The following CENPC variants were observed in gnomAD, a reference collection of about 807,000 sequenced individuals.
CENPC encodes centromere protein C, also known as CENP-C 1.
CENPC carries 63 observed loss-of-function variants against 112.1 expected under a neutral mutation model. That is an observed-to-expected ratio of 0.56 (90% CI 0.46 to 0.69). The LOEUF (loss-of-function observed/expected upper bound fraction) is 0.69. Among genes scored for constraint, CENPC ranks in the 30% least tolerant of loss-of-function variants. The pLI, the probability that CENPC is intolerant of heterozygous loss-of-function variation, is 0.00. For synonymous variants in CENPC, 333 were observed against 367.6 expected (o/e 0.91, Z 1.08); for missense variants, 1,000 against 1,103.8 (o/e 0.91, Z 1.33).
In CENPC at chr4:67,493,912, C is replaced by T. The variant is rs1296094207; in HGVS notation, c.2262G>A (p.Glu754=). ...RLKPLEYWRG[E]RIDYQGRPSG... is the part of the protein sequence containing the mutation. ...ATGGCCTTCCTTGATAATCTATTCG[C>T]TCTCCTCGCCAGTACTCCAAAGGTT... The change falls in exon 14 of 19, where the codon GAG becomes GAA. Residue 754 remains glutamate, a synonymous_variant. Coordinates refer to ENST00000273853, the MANE Select transcript of CENPC (RefSeq NM_001812.4). 35 of 1,612,502 alleles carry T rather than the reference C, an allele frequency of 2.2e-5. No homozygotes were observed. The highest frequency in any genetic ancestry group is 4.0e-5 in the African/African-American group (3 of 74,896).
chr4:67,505,863 A>G (rs1401574914), intron 11 of CENPC, among the ~76,000 whole-genome samples: 1 of 152,204 alleles, frequency 6.6e-6, no homozygotes, highest in East Asian at 1.9e-4. Context: ...TAACAGACTT[A>G]GTAAATTCAA....
intron 2 of CENPC, among the ~76,000 whole-genome samples, chr4:67,541,821 T>C (rs545334328): frequency 2.0e-4 from 30 of 152,176 alleles, no homozygotes; most frequent in Non-Finnish European, 4.3e-4. Flanking sequence ...TTTGTAATCA[T>C]AACCACCTTT....
intron 12 of CENPC, among the ~76,000 whole-genome samples, chr4:67,497,116 A>G (rs1725455290): frequency 6.6e-6 from 1 of 152,138 alleles, no homozygotes. Flanking sequence ...GCAGTGGCTC[A>G]CAACTGTAAT....
At chr4:67,510,139 CA>C (rs1391334044) in intron 9 of CENPC, among the ~76,000 whole-genome samples, 1 of 152,152 alleles carries the variant, frequency 6.6e-6, no homozygotes, top group Non-Finnish European at 1.5e-5. Context: ...CCTCAGACCC[CA>C]GTGAATCAAA....
Position 67,490,131 on chromosome 4 carries a change from A to C in CENPC, c.2516-10T>G, listed in dbSNP as rs113203814. 1.7e-5 allele frequency: 27 copies of C among 1,575,512 alleles called. No homozygotes were observed. The highest frequency in any genetic ancestry group is 1.1e-4 in the African/African-American group (8 of 73,374). On this transcript the variant is annotated splice_polypyrimidine_tract_variant and intron_variant, in intron 16 of 18. Coordinates refer to ENST00000273853, the MANE Select transcript of CENPC (RefSeq NM_001812.4). ...TGTGGCCTTACAAGATCTAGGAGTA[A>C]AACAGTAATACAAATATAAAACAAC...
At chr4:67,527,716 G>T (rs1726426010) in intron 5 of CENPC, among the ~76,000 whole-genome samples, 1 of 151,704 alleles carries the variant, frequency 6.6e-6, no homozygotes, top group South Asian at 2.1e-4. Context: ...GCCTAGGCTG[G>T]TCTCAAACAT....
Position 67,514,569 on chromosome 4 carries a change from A to C in CENPC, c.949T>G (p.Trp317Gly). 6.2e-7 allele frequency: 1 copy of C among 1,611,006 alleles called. No individual in the cohort carries two copies. The highest frequency in any genetic ancestry group is 1.1e-5 in the South Asian group (1 of 90,636). Residue 317 changes from tryptophan (W) to glycine (G), a missense_variant, in exon 8 of 19, where the codon TGG becomes GGG. Coordinates refer to ENST00000273853, the MANE Select transcript of CENPC (RefSeq NM_001812.4). ...CCTGCCTTTCTTGGTATTGTAATCC[A>C]AGATCTACTGGCAAAACTTTGATCC... Reference protein sequence around the residue: ...ESDQSFASRSWITIPRKAGSL... With the variant: ...ESDQSFASRSGITIPRKAGSL...
intron 5 of CENPC, among the ~76,000 whole-genome samples, chr4:67,526,517 T>C (rs752452717): frequency 2.7e-4 from 41 of 152,012 alleles, no homozygotes; most frequent in Non-Finnish European, 4.7e-4. Context: ...TTAATATTGC[T>C]ATTTAAAAGT....
At chr4:67,495,259 A>G (rs1406422272) in intron 12 of CENPC, 47 bp from the exon 13 acceptor site, 3 of 1,438,540 alleles carry the variant, frequency 2.1e-6, no homozygotes, top group Non-Finnish European at 2.8e-6. Flanking sequence ...TGCTAATTCC[A>G]TGTTAAATTA....
Position 67,492,980 on chromosome 4 carries a change from C to T in CENPC, c.2308G>A (p.Gly770Arg), listed in dbSNP as rs1725326235. The T allele has an allele frequency of 6.6e-7, 1 of 1,526,450 alleles. No homozygotes were observed. Among genetic ancestry groups the T allele is most frequent in the Admixed American group, 2.4e-5 (1 of 42,338 alleles). The allele number at this position is 1,526,450 out of a possible 1,614,324, so 94.6% of individuals were successfully genotyped here. A position where few individuals can be genotyped will look rare whatever the true frequency, so the allele number is the denominator to read the frequency against. The stretch of plus-strand genomic sequence containing the variant: ...GATATTGTGTCTGGAGATAGTACTC[C>T]ACTAATCACGAATCCTCCTGAAATT... ...GRPSGGFVISGVLSPDTISSK... is the reference protein window; with the variant it reads ...GRPSGGFVISRVLSPDTISSK... Residue 770 changes from glycine to arginine, a missense_variant, in exon 15 of 19, where the codon GGA (glycine) becomes AGA (arginine). Physicochemically the swap from Gly to Arg is moderately radical, Grantham distance 125 (BLOSUM62 -2). Transcript: ENST00000273853.
rs529093200 is a variant in CENPC at position 67,480,540 on chromosome 4, G to C, written c.2671-5562C>G. On this transcript the variant is annotated intron_variant, in intron 17 of 18. Transcript: ENST00000273853. ...AAGAATTGTCAACAACAACAAAAAA[G>C]TCCAGGACCAGATGGATTCACAGCT... Among the ~76,000 whole-genome samples the C allele has an allele frequency of 2.6e-5, 4 of 151,758 alleles. No homozygotes were observed. The East Asian group carries it at 7.8e-4, about 29-fold the overall frequency.
At chr4:67,511,593 C>T (rs1725893070) in intron 9 of CENPC, among the ~76,000 whole-genome samples, 2 of 152,106 alleles carry the variant, frequency 1.3e-5, no homozygotes, top group Admixed American at 6.6e-5. Context: ...AATTGGCAAA[C>T]GTGGTGTTGT....
chr4:67,497,344 C>T (rs1435251415), intron 12 of CENPC, among the ~76,000 whole-genome samples: 1 of 151,962 alleles, frequency 6.6e-6, no homozygotes, highest in Non-Finnish European at 1.5e-5. Context: ...CACCATTGCA[C>T]TCCACTCTGG....
chr4:67,513,709 G>T (rs1273483920), intron 8 of CENPC, among the ~76,000 whole-genome samples: 2 of 152,114 alleles, frequency 1.3e-5, no homozygotes, highest in Admixed American at 1.3e-4. Context: ...AATGATGGAA[G>T]AGAATGGACT....
At chr4:67,544,243 A>G (rs762945931) in intron 1 of CENPC, 48 bp from the exon 2 acceptor site, 1 of 1,044,908 alleles carries the variant, frequency 9.6e-7, no homozygotes, top group Non-Finnish European at 1.5e-6. Context: ...GATAGAGTCG[A>G]GTAAAATTTA....
chr4:67,478,283 T>G (rs535389301), intron 17 of CENPC, among the ~76,000 whole-genome samples: 6 of 152,082 alleles, frequency 3.9e-5, no homozygotes, highest in Non-Finnish European at 8.8e-5. Flanking sequence ...CAAAGAATCT[T>G]AAGAGCTGTG....
At chr4:67,518,048 G>T in intron 7 of CENPC, 108 bp downstream of exon 7, 1 of 614,316 alleles carries the variant, frequency 1.6e-6, no homozygotes. Flanking sequence ...TAAAATTTTT[G>T]TTAATTAAAT....
intron 16 of CENPC, among the ~76,000 whole-genome samples, chr4:67,491,842 T>C (rs951732695): frequency 6.6e-6 from 1 of 152,120 alleles, no homozygotes; most frequent in Admixed American, 6.6e-5. Context: ...CTGCCAACTA[T>C]CTATCTACAA....
In CENPC at chr4:67,490,044, G is replaced by A. The variant is rs1725197222; in HGVS notation, c.2593C>T (p.Pro865Ser). 1 of 1,608,550 alleles carries A rather than the reference G, an allele frequency of 6.2e-7. No individual in the cohort carries two copies. Among genetic ancestry groups the A allele is most frequent in the South Asian group, 1.1e-5 (1 of 90,114 alleles). Residue 865 changes from proline to serine, a missense_variant, in exon 17 of 19, where the codon CCC becomes TCC. Pro to Ser is a moderately conservative substitution (Grantham distance 74). Coordinates refer to ENST00000273853, the MANE Select transcript of CENPC (RefSeq NM_001812.4). ...ELKVYKTLDT[P>S]FFSTGKLILG... The stretch of plus-strand genomic sequence containing the variant: ...ATCAATTTCCCAGTAGAAAAAAAGG[G>A]TGTATCCAATGTCTTGTATACCTTC...
Sources: gnomAD v4.1 joint callset for allele counts (sites outside exome capture counted in the v4.1 genomes callset) on GRCh38, gnomAD v4.1.1 for gene constraint, MANE v1.5 for transcripts, NCBI Gene and HGNC (gene_info 2026-07-23, HGNC 2026-07-21) for gene names.